The following GYPC variants were observed in gnomAD, a reference collection of about 807,000 sequenced individuals.
The protein encoded by GYPC is glycophorin C (Gerbich blood group), also known as glycophorin-C.
GYPC carries 14 observed loss-of-function variants against 12.6 expected under a neutral mutation model. The observed-to-expected ratio is 1.11, with a 90% confidence interval of 0.74 to 1.74. The LOEUF (loss-of-function observed/expected upper bound fraction) is 1.74. Ranked by LOEUF, GYPC falls within the 40% of genes most tolerant of loss-of-function variation. The pLI, the probability that GYPC is intolerant of heterozygous loss-of-function variation, is 0.00. For synonymous variants in GYPC, 78 were observed against 62.1 expected (o/e 1.26, Z -1.20); for missense variants, 225 against 172.1 (o/e 1.31, Z -1.72).
intron 1 of GYPC, among the ~76,000 whole-genome samples, chr2:126,659,780 CTTTT>C (rs1203132482): frequency 2.2e-5 from 3 of 137,896 alleles, no homozygotes; most frequent in Admixed American, 7.3e-5. Flanking sequence ...TCTTTCTTTT[CTTTT>C]TTTTTTTTTT....
chr2:126,685,878 G>C, intron 1 of GYPC: 1 of 985,348 alleles, frequency 1.0e-6, no homozygotes. Flanking sequence ...TCATGATTTT[G>C]AGGCTGAAAT....
intron 1 of GYPC, chr2:126,658,053 G>T (rs1308565846): frequency 6.6e-6 from 1 of 152,320 alleles, no homozygotes; most frequent in East Asian, 1.9e-4. Context: ...AGGCCCCAAT[G>T]CCACAGTTAC....
chr2:126,670,811 C>T (rs1682831024), intron 1 of GYPC, among the ~76,000 whole-genome samples: 1 of 152,190 alleles, frequency 6.6e-6, no homozygotes, highest in African/African-American at 2.4e-5. Flanking sequence ...CAGCTGCCCC[C>T]TATCTGCACA....
intron 1 of GYPC, among the ~76,000 whole-genome samples, chr2:126,670,870 A>G (rs1279371974): frequency 6.6e-6 from 1 of 152,178 alleles, no homozygotes; most frequent in East Asian, 1.9e-4. Flanking sequence ...ACGGAGTGTC[A>G]TGTGCTGCTT....
intron 1 of GYPC, among the ~76,000 whole-genome samples, chr2:126,673,075 G>A (rs1682894512): frequency 6.6e-6 from 1 of 152,018 alleles, no homozygotes; most frequent in East Asian, 1.9e-4. Context: ...ACCCAGAAGG[G>A]TATTGGGAGG....
chr2:126,656,226 C>A lies in GYPC; in HGVS notation c.-38C>A. ...CCCGGCCCGGCCTGGCCCGGCCTGG[C>A]CAGTCCCCGCGGTCTCTGCCCGGGC... On this transcript the variant is annotated 5_prime_UTR_variant, in exon 1 of 4. Coordinates refer to ENST00000259254, the MANE Select transcript of GYPC (RefSeq NM_002101.5). 1 of 1,583,204 alleles carries A rather than the reference C, an allele frequency of 6.3e-7. No homozygotes were observed. Among genetic ancestry groups the A allele is most frequent in the Non-Finnish European group, 8.6e-7 (1 of 1,167,694 alleles).
intron 3 of GYPC, among the ~76,000 whole-genome samples, chr2:126,695,322 G>T (rs1188311942): frequency 6.6e-6 from 1 of 152,148 alleles, no homozygotes; most frequent in African/African-American, 2.4e-5. Flanking sequence ...AGTGCTTAGA[G>T]TGGTTAGTAG....
Position 126,659,716 on chromosome 2 carries a change from G to A in GYPC, c.49+3404G>A, listed in dbSNP as rs977594862. Among the ~76,000 whole-genome samples the A allele has an allele frequency of 9.2e-5, 14 of 151,948 alleles. 1 individual carries two copies. The highest frequency in any genetic ancestry group is 3.4e-4 in the African/African-American group (14 of 41,360). On this transcript the variant is annotated intron_variant, in intron 1 of 3. Coordinates refer to ENST00000259254, the MANE Select transcript of GYPC (RefSeq NM_002101.5). ...CTTAGATGCCGAGCCCTGGTAAGGG[G>A]CTTTCCTGGGTCTCCCCTGCACACC... is the stretch of plus-strand genomic sequence containing the variant.
chr2:126,693,532 C>T (rs1358128527), intron 2 of GYPC, among the ~76,000 whole-genome samples: 2 of 152,178 alleles, frequency 1.3e-5, no homozygotes, highest in African/African-American at 4.8e-5. Flanking sequence ...AACAAGAGTC[C>T]CTGCCTTCAT....
intron 1 of GYPC, among the ~76,000 whole-genome samples, chr2:126,671,026 C>T (rs1244270631): frequency 1.3e-5 from 2 of 152,182 alleles, no homozygotes; most frequent in African/African-American, 4.8e-5. Context: ...CTGGGCCCAC[C>T]TGACCCCATT....
intron 1 of GYPC, 131 bp downstream of exon 1, chr2:126,656,443 G>A: frequency 1.3e-6 from 1 of 741,132 alleles, no homozygotes; most frequent in South Asian, 1.7e-5. Context: ...CGGAGGAGGC[G>A]TCCGCTGGGC....
chr2:126,682,575 T>G (rs1368521956), intron 1 of GYPC, among the ~76,000 whole-genome samples: 1 of 152,176 alleles, frequency 6.6e-6, no homozygotes, highest in Non-Finnish European at 1.5e-5. Flanking sequence ...TTCAGTTCCC[T>G]CTTAAGGACT....
intron 1 of GYPC, among the ~76,000 whole-genome samples, chr2:126,661,335 C>T (rs1388676417): frequency 6.6e-6 from 1 of 152,204 alleles, no homozygotes; most frequent in Non-Finnish European, 1.5e-5. Flanking sequence ...GTGGTCCCTG[C>T]TCCCTCTCCC....
At chr2:126,693,003 G>A (rs1417304127) in intron 2 of GYPC, among the ~76,000 whole-genome samples, 1 of 152,200 alleles carries the variant, frequency 6.6e-6, no homozygotes, top group East Asian at 1.9e-4. Flanking sequence ...CTGCATGATA[G>A]AGTAGATAGA....
At chr2:126,692,126 C>T (rs1055966441) in intron 2 of GYPC, among the ~76,000 whole-genome samples, 6 of 152,170 alleles carry the variant, frequency 3.9e-5, no homozygotes, top group Non-Finnish European at 8.8e-5. Flanking sequence ...CTTGAACTTG[C>T]TACGGCCCTT....
At chr2:126,675,815 G>C in intron 1 of GYPC, 2 of 333,030 alleles carry the variant, frequency 6.0e-6, no homozygotes, top group Non-Finnish European at 8.6e-6. Flanking sequence ...AATAAGACAA[G>C]GAAAAGAAAA....
In GYPC at chr2:126,656,228, A is replaced by T. The variant is rs1325913472; in HGVS notation, c.-36A>T. 2 of 1,575,488 alleles carry T rather than the reference A, an allele frequency of 1.3e-6. No homozygotes were observed. Among genetic ancestry groups the T allele is most frequent in the Non-Finnish European group, 1.7e-6 (2 of 1,163,112 alleles). ...CGGCCCGGCCTGGCCCGGCCTGGCC[A>T]GTCCCCGCGGTCTCTGCCCGGGCTG... On this transcript the variant is annotated 5_prime_UTR_variant, in exon 1 of 4. Transcript: ENST00000259254.
chr2:126,665,860 G>A (rs1475058920), intron 1 of GYPC, among the ~76,000 whole-genome samples: 1 of 152,232 alleles, frequency 6.6e-6, no homozygotes, highest in Admixed American at 6.5e-5. Context: ...GCTCAAAGAG[G>A]TGATTTCCCC....
At chr2:126,681,423 A>G (rs1683146787) in intron 1 of GYPC, among the ~76,000 whole-genome samples, 1 of 152,146 alleles carries the variant, frequency 6.6e-6, no homozygotes, top group African/African-American at 2.4e-5. Context: ...TTCATTTTAG[A>G]CTGCATTACC....
Sources: gnomAD v4.1 joint callset for allele counts (sites outside exome capture counted in the v4.1 genomes callset) on GRCh38, gnomAD v4.1.1 for gene constraint, MANE v1.5 for transcripts, NCBI Gene and HGNC (gene_info 2026-07-23, HGNC 2026-07-21) for gene names.